RBFOX1: variants seen among roughly 807,000 people sequenced by gnomAD.
RBFOX1 encodes the protein RNA binding fox-1 homolog 1, also known as RNA binding protein fox-1 homolog 1.
Under a neutral mutation model 57.7 loss-of-function variants are expected in RBFOX1, and 8 were observed. The observed-to-expected ratio is 0.14, with a 90% confidence interval of 0.08 to 0.25. The LOEUF (loss-of-function observed/expected upper bound fraction) is 0.25, where lower values mean the gene tolerates loss of function less well. Ranked by LOEUF, RBFOX1 falls within the 10% of genes least tolerant of loss-of-function variation. The pLI is 1.00. For missense variants in RBFOX1, 611 were observed against 548.5 expected (o/e 1.11, Z -1.14); for synonymous variants, 326 against 222.4 (o/e 1.47, Z -4.15).
chr16:6,256,746 C>T lies in RBFOX1; in HGVS notation c.-126-60249C>T, dbSNP rs182879808. 3.9e-5 allele frequency among the ~76,000 whole-genome samples: 6 copies of T among 152,166 alleles called. No individual in the cohort carries two copies. In the East Asian group the frequency reaches 7.8e-4, roughly 20 times the overall value. ...ACATGCCAGCAGTGTCTTCCTCTCCCGTTTTGACAACCAAAAATGTCCCCA... is the reference window on the plus strand; with the variant it reads ...ACATGCCAGCAGTGTCTTCCTCTCCTGTTTTGACAACCAAAAATGTCCCCA... On this transcript the variant is annotated intron_variant, in intron 1 of 15. Coordinates refer to ENST00000550418, the MANE Select transcript of RBFOX1 (RefSeq NM_018723.4).
Position 5,757,944 on chromosome 16 carries a change from G to C in RBFOX1, c.319-109359G>C, listed in dbSNP as rs570213109. ...CTCGCTGGTCATCACCACTGTAGCTGACCCTGACTCACTGTGAAGTTCTGT... is the reference window on the plus strand; with the variant it reads ...CTCGCTGGTCATCACCACTGTAGCTCACCCTGACTCACTGTGAAGTTCTGT... On this transcript the variant is annotated intron_variant, in intron 3 of 19. Coordinates refer to the RBFOX1 transcript ENST00000641259. Among the ~76,000 whole-genome samples, 101 of 152,298 alleles carry C rather than the reference G, an allele frequency of 6.6e-4. 1 individual carries two copies. Among genetic ancestry groups the C allele is most frequent in the African/African-American group, 2.2e-3 (92 of 41,582 alleles).
intron 1 of RBFOX1, among the ~76,000 whole-genome samples, chr16:6,218,783 C>A (rs1256848827): frequency 6.6e-6 from 1 of 151,812 alleles, no homozygotes; most frequent in Non-Finnish European, 1.5e-5. Context: ...GATATTTTAT[C>A]TGCTAAATCC....
chr16:7,052,791 CTT>C (rs2050563818), intron 4 of RBFOX1, among the ~76,000 whole-genome samples: 3 of 152,100 alleles, frequency 2.0e-5, no homozygotes. Flanking sequence ...TTTTAAGAAA[CTT>C]TGGGATTTCT....
intron 4 of RBFOX1, among the ~76,000 whole-genome samples, chr16:7,213,557 C>CA (rs34274577): frequency 1.7e-3 from 253 of 144,794 alleles, no homozygotes; most frequent in East Asian, 5.8e-3. Context: ...CCTCTAATGC[C>CA]AAAAAAAAAA....
chr16:6,650,678 T>G (rs148520805), intron 2 of RBFOX1, among the ~76,000 whole-genome samples: 263 of 152,314 alleles, frequency 1.7e-3, no homozygotes, highest in African/African-American at 5.9e-3. Flanking sequence ...ACAAGATATT[T>G]GCTATACGAG....
chr16:6,939,835 C>T (rs926539700), intron 3 of RBFOX1, among the ~76,000 whole-genome samples: 36 of 152,104 alleles, frequency 2.4e-4, no homozygotes, highest in Non-Finnish European at 4.7e-4. Flanking sequence ...AAGAGGGTAT[C>T]ATATAGCTGG....
At position 5,274,745 on chromosome 16, in the gene RBFOX1, A is replaced by G. The variant is rs1187126924; in HGVS notation, c.219+34640A>G. On this transcript the variant is annotated intron_variant, in intron 1 of 2. Coordinates refer to the RBFOX1 transcript ENST00000585867. ...CAGGAGCCACCTCTCAGTCCCTTGC[A>G]TAGGCACCAGGCTTTTTTAGGGCAA... Among the ~76,000 whole-genome samples, 5 of 152,200 alleles carry G rather than the reference A, an allele frequency of 3.3e-5. No individual in the cohort carries two copies. The East Asian group carries it at 5.8e-4, about 18-fold the overall frequency.
chr16:6,621,523 C>G (rs1433972441), intron 2 of RBFOX1, among the ~76,000 whole-genome samples: 4 of 152,146 alleles, frequency 2.6e-5, no homozygotes, highest in African/African-American at 9.7e-5. Context: ...AGGCTGTACC[C>G]TAAATCAAAA....
chr16:5,677,978 A>G (rs902441084), intron 3 of RBFOX1, among the ~76,000 whole-genome samples: 5 of 152,304 alleles, frequency 3.3e-5, no homozygotes, highest in Admixed American at 3.3e-4. Flanking sequence ...CTCATGGTGG[A>G]GCACCGTGGG....
At chr16:5,355,927 C>A (rs932618060) in intron 1 of RBFOX1, among the ~76,000 whole-genome samples, 2 of 152,064 alleles carry the variant, frequency 1.3e-5, no homozygotes, top group African/African-American at 2.4e-5. Context: ...CCCGTATCTA[C>A]AAAAAATACA....
rs145789623 is a variant in RBFOX1 at position 5,658,405 on chromosome 16, G to C, written c.318+59444G>C. On this transcript the variant is annotated intron_variant, in intron 3 of 19. Coordinates refer to the RBFOX1 transcript ENST00000641259. The stretch of plus-strand genomic sequence containing the variant: ...TGAGCCTTGAGTGGCCACGTTCCAG[G>C]GTGATCATCTAACTTTGATCATCAG... Among the ~76,000 whole-genome samples, 684 of 152,222 alleles carry C rather than the reference G, an allele frequency of 4.5e-3. 7 individuals carry two copies. Among genetic ancestry groups the C allele is most frequent in the Non-Finnish European group, 6.4e-3 (437 of 68,016 alleles).
chr16:6,350,444 G>GAAAAAA (rs569363563), intron 2 of RBFOX1, among the ~76,000 whole-genome samples: 8 of 74,618 alleles, frequency 1.1e-4, no homozygotes, highest in East Asian at 5.1e-4. Context: ...TCTGTCTCAA[G>GAAAAAA]AAAAAAAAAA....
intron 5 of RBFOX1, among the ~76,000 whole-genome samples, chr16:7,526,801 T>C (rs945477021): frequency 6.6e-6 from 1 of 152,184 alleles, no homozygotes; most frequent in African/African-American, 2.4e-5. Flanking sequence ...CGTCCCATGT[T>C]ACAGAAGCAG....
At chr16:7,207,956 C>CA (rs1274929624) in intron 4 of RBFOX1, among the ~76,000 whole-genome samples, 3 of 152,192 alleles carry the variant, frequency 2.0e-5, no homozygotes, top group Non-Finnish European at 2.9e-5. Flanking sequence ...GGAAGCTTCT[C>CA]AGTTACCTTT....
chr16:7,657,899 A>G (rs1247831107), intron 12 of RBFOX1, among the ~76,000 whole-genome samples: 1 of 152,222 alleles, frequency 6.6e-6, no homozygotes, highest in African/African-American at 2.4e-5. Flanking sequence ...TAATGTCTAC[A>G]TAGCCTATGG....
intron 4 of RBFOX1, among the ~76,000 whole-genome samples, chr16:5,936,486 G>C (rs547216798): frequency 6.6e-6 from 1 of 152,266 alleles, no homozygotes; most frequent in African/African-American, 2.4e-5. Flanking sequence ...AAGGAGTCCT[G>C]TGTGAGCCAA....
intron 1 of RBFOX1, among the ~76,000 whole-genome samples, chr16:5,261,444 A>G (rs558836683): frequency 4.0e-5 from 6 of 151,102 alleles, no homozygotes; most frequent in African/African-American, 1.2e-4. Flanking sequence ...TCTTTTGCCT[A>G]TTTTGATTGG....
chr16:7,294,788 T>C (rs1364041298), intron 4 of RBFOX1, among the ~76,000 whole-genome samples: 1 of 152,064 alleles, frequency 6.6e-6, no homozygotes, highest in Non-Finnish European at 1.5e-5. Flanking sequence ...ATGATGATGA[T>C]GATGATGATG....
chr16:7,615,036 T>C (rs1284596453), intron 10 of RBFOX1: 3 of 152,228 alleles, frequency 2.0e-5, no homozygotes, highest in African/African-American at 4.8e-5. Flanking sequence ...GGTCACAGAA[T>C]ATAATAATGA....
Sources: allele counts gnomAD v4.1 joint callset (sites outside exome capture counted in the v4.1 genomes callset), GRCh38; gene constraint gnomAD v4.1.1; transcripts MANE v1.5; gene names NCBI Gene and HGNC (gene_info 2026-07-23, HGNC 2026-07-21).